DIPK1B: variants seen among roughly 807,000 people sequenced by gnomAD.
DIPK1B encodes divergent protein kinase domain 1B, also known as family with sequence similarity 69 member B.
DIPK1B carries 17 observed loss-of-function variants against 20.7 expected under a neutral mutation model. That is an observed-to-expected ratio of 0.82 (90% CI 0.56 to 1.23). The LOEUF (loss-of-function observed/expected upper bound fraction) is 1.23. Among genes scored for constraint, DIPK1B ranks in the 50% most tolerant of loss-of-function variants. DIPK1B has a pLI of 0.00. For synonymous variants in DIPK1B, 343 were observed against 276.5 expected (o/e 1.24, Z -2.39); for missense variants, 648 against 601.8 (o/e 1.08, Z -0.80).
chr9:136,714,983 G>A (rs1846476465), intron 1 of DIPK1B, among the ~76,000 whole-genome samples: 2 of 152,260 alleles, frequency 1.3e-5, no homozygotes, highest in African/African-American at 2.4e-5. Context: ...TTTTAGGGAG[G>A]AGTCCCCTGC....
intron 4 of DIPK1B, 41 bp downstream of exon 4, chr9:136,722,342 C>T (rs780683567): frequency 1.9e-6 from 3 of 1,587,040 alleles, no homozygotes; most frequent in African/African-American, 2.7e-5. Flanking sequence ...GAGTCCACAC[C>T]ACGGTCATAT....
At chr9:136,719,984 G>GT in intron 2 of DIPK1B, among the ~76,000 whole-genome samples, 2 of 146,104 alleles carry the variant, frequency 1.4e-5, no homozygotes, top group African/African-American at 5.2e-5. Flanking sequence ...TGCAGGGGCT[G>GT]GTCTGGGGCT....
intron 2 of DIPK1B, among the ~76,000 whole-genome samples, chr9:136,720,685 G>A (rs1588284234): frequency 6.6e-6 from 1 of 152,208 alleles, no homozygotes; most frequent in Non-Finnish European, 1.5e-5. Context: ...CGGAGTCATT[G>A]TGGGGCCCCA....
rs770189095 is a variant in DIPK1B, at chr9:136,722,117, C to T, written c.307-8C>T. The stretch of plus-strand genomic sequence containing the variant: ...GTCTGCACGGAGGACCTCTGTGGCC[C>T]TGTCCAGGTGTACAGCGGGCTCTGG... On this transcript the variant is annotated splice_polypyrimidine_tract_variant and splice_region_variant and intron_variant, in intron 3 of 4. Transcript: ENST00000371692. 11 of 1,613,770 alleles carry T rather than the reference C, an allele frequency of 6.8e-6. No homozygotes were observed. In the East Asian group the frequency reaches 1.3e-4, roughly 20 times the overall value.
Position 136,722,175 on chromosome 9 carries a change from T to C in DIPK1B, c.357T>C (p.Ile119=), listed in dbSNP as rs529529478. The C allele has an allele frequency of 1.1e-4, 171 of 1,613,958 alleles. No individual in the cohort carries two copies. The East Asian group carries it at 3.1e-3, about 30-fold the overall frequency. ...RDKDVTIKCG[I]EETLDSKARS... ...AGGATGTAACCATCAAGTGTGGCAT[T>C]GAGGAGACCCTCGACTCCAAGGCCC... The change falls in exon 4 of 5, where the codon ATT becomes ATC. Residue 119 remains isoleucine (I), a synonymous_variant. Coordinates refer to ENST00000371692, the MANE Select transcript of DIPK1B (RefSeq NM_152421.4).
Position 136,722,573 on chromosome 9 carries a change from G to T in DIPK1B, c.483+272G>T. 7.0e-6 allele frequency: 4 copies of T among 574,396 alleles called. No homozygotes were observed. The South Asian group carries it at 8.4e-5, about 12-fold the overall frequency. The allele number at this position is 574,396 out of a possible 1,614,324, so 35.6% of individuals were successfully genotyped here. ...AAGGGCCGTGTGTCCAGCAGGGCAG[G>T]TGCCCCGAATGGAGACCAGGGCTTG... On this transcript the variant is annotated intron_variant, in intron 4 of 4. Coordinates refer to ENST00000371692, the MANE Select transcript of DIPK1B (RefSeq NM_152421.4).
intron 2 of DIPK1B, among the ~76,000 whole-genome samples, chr9:136,718,163 C>T: frequency 8.4e-6 from 1 of 119,626 alleles, no homozygotes; most frequent in Non-Finnish European, 1.9e-5. Flanking sequence ...GCTGGCCTCA[C>T]TGGCCTGGGA....
Position 136,723,110 on chromosome 9 carries a change from C to T in DIPK1B, c.632C>T (p.Ser211Phe). The T allele has an allele frequency of 1.2e-6, 2 of 1,613,594 alleles. No homozygotes were observed. Among genetic ancestry groups the T allele is most frequent in the Non-Finnish European group, 1.7e-6 (2 of 1,180,040 alleles). The change falls in exon 5 of 5, where the codon TCC becomes TTC. Residue 211 changes from serine to phenylalanine, a missense_variant. By Grantham distance (155) the Ser-to-Phe change is radical. Transcript: ENST00000371692. ...LQRNEFLLLL[S>F]LQEKEHASRL... ...CGTAACGAGTTCCTGCTGCTGCTGT[C>T]CCTGCAGGAGAAGGAGCACGCCTCC...
intron 2 of DIPK1B, chr9:136,720,903 T>TG (rs1463076575): frequency 6.6e-6 from 1 of 152,210 alleles, no homozygotes; most frequent in Non-Finnish European, 1.5e-5. Context: ...CCTGTCCTCC[T>TG]GCCTCAGCCT....
chr9:136,720,231 G>T (rs75564954), intron 2 of DIPK1B, among the ~76,000 whole-genome samples: 1 of 151,856 alleles, frequency 6.6e-6, no homozygotes, highest in Non-Finnish European at 1.5e-5. Context: ...CTGTCTTGAC[G>T]AAGAGCCGGC....
chr9:136,718,826 T>C lies in DIPK1B; in HGVS notation c.198+1115T>C, dbSNP rs186750608. Among the ~76,000 whole-genome samples, 263 of 152,302 alleles carry C rather than the reference T, an allele frequency of 1.7e-3. 1 individual carries two copies. The highest frequency in any genetic ancestry group is 6.1e-3 in the African/African-American group (254 of 41,570). On this transcript the variant is annotated intron_variant, in intron 2 of 4. Transcript: ENST00000371692. ...GGCAGGCCTGTGTCCCACAGAGCCA[T>C]GTCTGACGGGGGCCACATGTGGAAA...
At chr9:136,718,423 G>A (rs117949066) in intron 2 of DIPK1B, among the ~76,000 whole-genome samples, 1 of 152,186 alleles carries the variant, frequency 6.6e-6, no homozygotes, top group Non-Finnish European at 1.5e-5. Flanking sequence ...ATGTGAGCAT[G>A]TGTGTGTCTG....
intron 1 of DIPK1B, among the ~76,000 whole-genome samples, chr9:136,713,973 C>T (rs555067556): frequency 1.2e-4 from 18 of 152,304 alleles, no homozygotes; most frequent in South Asian, 8.3e-4. Flanking sequence ...GTGGCTACAC[C>T]GGGAGCTGGT....
At position 136,717,607 on chromosome 9, in the gene DIPK1B, A is replaced by G. The variant is rs1846517787; in HGVS notation, c.94A>G (p.Ile32Val). Residue 32 changes from isoleucine (I) to valine (V), a missense_variant, in exon 2 of 5, where the codon ATC becomes GTC. Physicochemically the swap from Ile to Val is conservative, Grantham distance 29. Coordinates refer to ENST00000371692, the MANE Select transcript of DIPK1B (RefSeq NM_152421.4). ...GRLPGLRVRC[I>V]FLAWLGVFAG... is the part of the protein sequence containing the mutation. Reference sequence around the variant, plus strand: ...GCTCCCAGGCCTCAGGGTCCGCTGCATCTTCCTGGCCTGGCTGGGCGTCTT... The same window carrying G: ...GCTCCCAGGCCTCAGGGTCCGCTGCGTCTTCCTGGCCTGGCTGGGCGTCTT... 6.2e-7 allele frequency: 1 copy of G among 1,602,556 alleles called. No individual in the cohort carries two copies. Among genetic ancestry groups the G allele is most frequent in the Non-Finnish European group, 8.5e-7 (1 of 1,179,872 alleles).
chr9:136,716,700 C>T (rs1239092219), intron 1 of DIPK1B, among the ~76,000 whole-genome samples: 4 of 152,070 alleles, frequency 2.6e-5, no homozygotes, highest in African/African-American at 7.2e-5. Context: ...ATGCCCGGCC[C>T]GCCTGCGTCT....
chr9:136,713,539 T>C (rs187748401), intron 1 of DIPK1B, among the ~76,000 whole-genome samples: 44 of 152,302 alleles, frequency 2.9e-4, no homozygotes, highest in African/African-American at 9.9e-4. Context: ...AACCCACAGA[T>C]TGCAGCGAGA....
chr9:136,722,433 T>G, intron 4 of DIPK1B, 132 bp downstream of exon 4: 3 of 1,063,844 alleles, frequency 2.8e-6, no homozygotes, highest in Non-Finnish European at 4.0e-6. Context: ...AGACCTCCCA[T>G]CCCCCAGCCC....
intron 1 of DIPK1B, among the ~76,000 whole-genome samples, chr9:136,713,589 C>G (rs141005797): frequency 2.0e-5 from 3 of 152,234 alleles, no homozygotes; most frequent in Non-Finnish European, 4.4e-5. Flanking sequence ...GTGGTGGTCC[C>G]GGCTCAGCCT....
rs1417132492 is a variant in DIPK1B, at chr9:136,724,400, T to C, written c.*626T>C. 6.6e-6 allele frequency among the ~76,000 whole-genome samples: 1 copy of C among 152,172 alleles called. No individual in the cohort carries two copies. Among genetic ancestry groups the C allele is most frequent in the African/African-American group, 2.4e-5 (1 of 41,436 alleles). On this transcript the variant is annotated 3_prime_UTR_variant, in exon 5 of 5. Transcript: ENST00000371692. The stretch of plus-strand genomic sequence containing the variant: ...TTTTACAAAATCCAGCCATGAGATG[T>C]ACAACTCATTCCCTAGGAAACAGCC...
Sources: allele counts gnomAD v4.1 joint callset (sites outside exome capture counted in the v4.1 genomes callset), GRCh38; gene constraint gnomAD v4.1.1; transcripts MANE v1.5; gene names NCBI Gene and HGNC (gene_info 2026-07-23, HGNC 2026-07-21).